Variants in PRRX1 observed in about 807,000 individuals in gnomAD.
PRRX1 encodes the protein paired mesoderm homeobox protein 1.
In PRRX1, 8 loss-of-function variants were observed where a neutral mutation model predicts 24.0. The ratio of observed to expected loss-of-function variants is 0.33; its 90% CI spans 0.20 to 0.60. The LOEUF is 0.60. PRRX1 is among the 20% of genes least tolerant of loss of function. The probability of loss-of-function intolerance (pLI) is 0.82; values close to 1 mark genes in which losing one functional copy is unlikely to be tolerated. For missense variants in PRRX1, 281 were observed against 322.4 expected (o/e 0.87, Z 0.98); for synonymous variants, 160 against 131.7 (o/e 1.22, Z -1.47).
chr1:170,708,746 C>T (rs965171562), intron 1 of PRRX1, among the ~76,000 whole-genome samples: 2 of 152,188 alleles, frequency 1.3e-5, no homozygotes, highest in Non-Finnish European at 1.5e-5. Context: ...CACCTGCCTT[C>T]AAGGCTTACT....
At chr1:170,702,224 C>T (rs1654409317) in intron 1 of PRRX1, among the ~76,000 whole-genome samples, 1 of 152,238 alleles carries the variant, frequency 6.6e-6, no homozygotes, top group Non-Finnish European at 1.5e-5. Flanking sequence ...ACACCTCCTG[C>T]TGTGTGGCCC....
chr1:170,699,595 G>A (rs1250316059), intron 1 of PRRX1, among the ~76,000 whole-genome samples: 1 of 152,122 alleles, frequency 6.6e-6, no homozygotes, highest in Non-Finnish European at 1.5e-5. Context: ...AGGGGCCAGA[G>A]GATGGCAAAA....
At chr1:170,695,335 T>C (rs902934417) in intron 1 of PRRX1, among the ~76,000 whole-genome samples, 3 of 152,180 alleles carry the variant, frequency 2.0e-5, no homozygotes, top group Non-Finnish European at 2.9e-5. Context: ...CATAGCTGCA[T>C]TATGGTTGTA....
chr1:170,729,999 G>A (rs553494306), intron 3 of PRRX1, among the ~76,000 whole-genome samples: 29 of 152,294 alleles, frequency 1.9e-4, no homozygotes, highest in African/African-American at 7.0e-4. Flanking sequence ...TGTTATTTGA[G>A]ATGAAGTAGC....
At chr1:170,726,150 T>C (rs1023860648) in intron 2 of PRRX1, 70 bp from the exon 3 acceptor site, 9 of 1,444,754 alleles carry the variant, frequency 6.2e-6, no homozygotes, top group Admixed American at 3.6e-5. Flanking sequence ...AGAATTTCAT[T>C]CATGTAACCC....
chr1:170,702,989 G>C (rs971154855), intron 1 of PRRX1, among the ~76,000 whole-genome samples: 8 of 152,156 alleles, frequency 5.3e-5, no homozygotes, highest in African/African-American at 1.9e-4. Flanking sequence ...TATCTTGCAG[G>C]CTGGAACTTC....
intron 1 of PRRX1, chr1:170,667,911 C>G (rs761398721): frequency 3.3e-5 from 5 of 152,132 alleles, no homozygotes; most frequent in Non-Finnish European, 5.9e-5. Flanking sequence ...TAACTATAAC[C>G]TGGGCCGAAT....
At position 170,726,458 on chromosome 1, in the gene PRRX1, T is replaced by C. The variant is rs1177663781; in HGVS notation, c.599+57T>C. 2.5e-6 allele frequency: 4 copies of C among 1,578,362 alleles called. No individual in the cohort carries two copies. In the South Asian group the frequency reaches 3.3e-5, roughly 13 times the overall value. On this transcript the variant is annotated intron_variant, in intron 3 of 3. Coordinates refer to ENST00000239461, the MANE Select transcript of PRRX1 (RefSeq NM_022716.4). ...CTTCCACATGTTTCTCAGCGGTCGGTCATGTTTCAAGCTGCTTGTGCAGCT... is the reference window on the plus strand; with the variant it reads ...CTTCCACATGTTTCTCAGCGGTCGGCCATGTTTCAAGCTGCTTGTGCAGCT...
At chr1:170,682,399 T>C (rs1653580638) in intron 1 of PRRX1, among the ~76,000 whole-genome samples, 1 of 101,962 alleles carries the variant, frequency 9.8e-6, no homozygotes, top group Non-Finnish European at 2.4e-5. Context: ...TCCTCTAGAG[T>C]TCCCCGTAAG....
intron 1 of PRRX1, among the ~76,000 whole-genome samples, chr1:170,701,940 A>G (rs1654374715): frequency 6.6e-6 from 1 of 151,798 alleles, no homozygotes; most frequent in South Asian, 2.1e-4. Context: ...CTATAGAACA[A>G]CAGTCCCCAA....
At chr1:170,675,229 T>G (rs775590681) in intron 1 of PRRX1, among the ~76,000 whole-genome samples, 1 of 152,186 alleles carries the variant, frequency 6.6e-6, no homozygotes, top group African/African-American at 2.4e-5. Context: ...TTTCTGCTTG[T>G]TCTAGCTGGG....
At position 170,705,931 on chromosome 1, in the gene PRRX1, CACAT is replaced by C. The variant is rs375386998; in HGVS notation, c.242-13791_242-13788del. ...ATACCCACATAGACACACACACACA[CACAT>C]ACACACACACACACACACACACACA... On this transcript the variant is annotated intron_variant, in intron 1 of 3. Coordinates refer to ENST00000239461, the MANE Select transcript of PRRX1 (RefSeq NM_022716.4). Among the ~76,000 whole-genome samples the C allele has an allele frequency of 7.5e-3, 795 of 106,376 alleles. 5 individuals are homozygous for C. The highest frequency in any genetic ancestry group is 0.021 in the East Asian group (82 of 3,900). The allele number at this position is 106,376 out of a possible 152,430, so 69.8% of individuals were successfully genotyped here. A position where few individuals can be genotyped will look rare whatever the true frequency, so the allele number is the denominator to read the frequency against.
intron 1 of PRRX1, among the ~76,000 whole-genome samples, chr1:170,682,611 A>T (rs570557623): frequency 5.7e-4 from 85 of 149,526 alleles, no homozygotes; most frequent in Non-Finnish European, 1.1e-3. Context: ...TCTCTCACTC[A>T]TTTTTTTTTC....
intron 1 of PRRX1, among the ~76,000 whole-genome samples, chr1:170,699,480 G>A (rs559263792): frequency 6.6e-6 from 1 of 152,004 alleles, no homozygotes; most frequent in South Asian, 2.1e-4. Context: ...CAAGAAGATG[G>A]CTCTCTAGTC....
chr1:170,703,994 C>A (rs928548152), intron 1 of PRRX1, among the ~76,000 whole-genome samples: 7 of 151,998 alleles, frequency 4.6e-5, no homozygotes, highest in Non-Finnish European at 1.0e-4. Context: ...AAAAGCAAAG[C>A]AAAAATAAAA....
Position 170,737,471 on chromosome 1 carries a change from C to T in PRRX1, c.*1285C>T, listed in dbSNP as rs140894020. On this transcript the variant is annotated 3_prime_UTR_variant, in exon 4 of 4. Coordinates refer to ENST00000239461, the MANE Select transcript of PRRX1 (RefSeq NM_022716.4). ...CTGGTGAAATGCTGATACATCTGAT[C>T]TATCATGGGAATTGCAGTTAGAGAG... 5.6e-4 allele frequency: 114 copies of T among 201,962 alleles called. 1 individual carries two copies. The highest frequency in any genetic ancestry group is 2.5e-3 in the African/African-American group (108 of 43,666). 12.5% of individuals were successfully genotyped at this position (201,962 alleles called of 1,614,324 possible). A position where few individuals can be genotyped will look rare whatever the true frequency, so the allele number is the denominator to read the frequency against.
At chr1:170,708,208 G>A (rs1654627429) in intron 1 of PRRX1, among the ~76,000 whole-genome samples, 1 of 152,148 alleles carries the variant, frequency 6.6e-6, no homozygotes, top group South Asian at 2.1e-4. Flanking sequence ...TCCACTCCAG[G>A]CAGACAGAAT....
Position 170,730,572 on chromosome 1 carries a change from G to T in PRRX1, c.599+4171G>T. The stretch of plus-strand genomic sequence containing the variant: ...GCTCTTCAGAGATTGCTGTGCACAG[G>T]AAACATCTGGGATCGCGTGACTGTG... On this transcript the variant is annotated intron_variant, in intron 3 of 3. Transcript: ENST00000239461. 3.9e-6 allele frequency: 2 copies of T among 516,856 alleles called. 1 individual carries two copies. The highest frequency in any genetic ancestry group is 6.9e-6 in the Non-Finnish European group (2 of 287,794). The allele number at this position is 516,856 out of a possible 1,614,324, so 32.0% of individuals were successfully genotyped here.
intron 1 of PRRX1, among the ~76,000 whole-genome samples, chr1:170,674,452 T>G (rs1197009623): frequency 6.6e-6 from 1 of 152,198 alleles, no homozygotes; most frequent in African/African-American, 2.4e-5. Context: ...CCATCACACC[T>G]CCTTGCGAAA....
Sources: allele counts gnomAD v4.1 joint callset (sites outside exome capture counted in the v4.1 genomes callset), GRCh38; gene constraint gnomAD v4.1.1; transcripts MANE v1.5; gene names NCBI Gene and HGNC (gene_info 2026-07-23, HGNC 2026-07-21).